Variants in GK5 observed in about 807,000 individuals in gnomAD.
GK5 encodes the protein glycerol kinase 5, also known as ATP:glycerol 3-phosphotransferase 5.
Under a neutral mutation model 77.3 loss-of-function variants are expected in GK5, and 39 were observed. The ratio of observed to expected loss-of-function variants is 0.50; its 90% CI spans 0.39 to 0.66. The LOEUF is 0.66. Ranked by LOEUF, GK5 falls within the 30% of genes least tolerant of loss-of-function variation. GK5 has a pLI of 0.00. For synonymous variants in GK5, 211 were observed against 208.0 expected, an observed-to-expected ratio of 1.01 and a Z score of -0.13; for missense variants, 487 against 633.8, an observed-to-expected ratio of 0.77 and a Z score of 2.49.
chr3:142,225,565 C>A lies in GK5; in HGVS notation c.-110G>T, dbSNP rs1007158174. ...CAACCCGGGCCCCAACCCGGCTCAG[C>A]CGGAGAGCCTAGAGAGGCCTGGCCC... On this transcript the variant is annotated 5_prime_UTR_variant, in exon 1 of 16. Transcript: ENST00000392993. The A allele has an allele frequency of 1.1e-5, 15 of 1,393,290 alleles. No homozygotes were observed. Among genetic ancestry groups the A allele is most frequent in the Non-Finnish European group, 1.1e-5 (11 of 1,044,404 alleles). 86.3% of individuals were successfully genotyped at this position (1,393,290 alleles called of 1,614,324 possible).
chr3:142,208,851 T>C (rs1227332590), intron 3 of GK5, among the ~76,000 whole-genome samples: 1 of 152,114 alleles, frequency 6.6e-6, no homozygotes, highest in Non-Finnish European at 1.5e-5. Context: ...GAATACGCCC[T>C]ATAAAGGATA....
intron 10 of GK5, 124 bp downstream of exon 10, chr3:142,182,799 T>C: frequency 3.2e-6 from 2 of 634,554 alleles, no homozygotes; most frequent in African/African-American, 1.9e-5. Context: ...ATTAACTGTC[T>C]TTAAGAATAA....
intron 1 of GK5, among the ~76,000 whole-genome samples, chr3:142,224,449 A>G (rs1167476223): frequency 6.6e-6 from 1 of 152,224 alleles, no homozygotes; most frequent in Non-Finnish European, 1.5e-5. Context: ...CACCATAACA[A>G]ATAAATATTA....
At chr3:142,212,996 G>A (rs917813772) in intron 3 of GK5, among the ~76,000 whole-genome samples, 2 of 151,390 alleles carry the variant, frequency 1.3e-5, no homozygotes, top group Admixed American at 6.6e-5. Context: ...CACCTCGCCC[G>A]GCTAATTTTT....
At chr3:142,211,734 C>T (rs940788002) in intron 3 of GK5, among the ~76,000 whole-genome samples, 92 of 152,294 alleles carry the variant, frequency 6.0e-4, no homozygotes, top group African/African-American at 2.0e-3. Flanking sequence ...TTCGAGGCTG[C>T]AGTGAGCTAT....
At position 142,225,529 on chromosome 3, in the gene GK5, C is replaced by T. The variant is rs551672117; in HGVS notation, c.-74G>A. Reference sequence around the variant, plus strand: ...CTACAAATCCCAATGCTCCAGAGTCCCCGGGCGGCCCAACCCGGGCCCCAA... The same window carrying T: ...CTACAAATCCCAATGCTCCAGAGTCTCCGGGCGGCCCAACCCGGGCCCCAA... On this transcript the variant is annotated 5_prime_UTR_variant, in exon 1 of 16. Coordinates refer to ENST00000392993, the MANE Select transcript of GK5 (RefSeq NM_001039547.3). The T allele has an allele frequency of 3.0e-5, 45 of 1,523,644 alleles. No homozygotes were observed. The East Asian group carries it at 7.6e-4, about 26-fold the overall frequency. The allele number at this position is 1,523,644 out of a possible 1,614,324, so 94.4% of individuals were successfully genotyped here. A position where few individuals can be genotyped will look rare whatever the true frequency, so the allele number is the denominator to read the frequency against.
intron 1 of GK5, among the ~76,000 whole-genome samples, chr3:142,221,457 G>A (rs913288309): frequency 6.6e-6 from 1 of 152,130 alleles, no homozygotes; most frequent in African/African-American, 2.4e-5. Flanking sequence ...ACAAGTTGCA[G>A]TAGTGAAATC....
chr3:142,187,566 T>C lies in GK5; in HGVS notation c.619+138A>G, dbSNP rs1429479697. On this transcript the variant is annotated intron_variant, in intron 6 of 15. Coordinates refer to ENST00000392993, the MANE Select transcript of GK5 (RefSeq NM_001039547.3). The stretch of plus-strand genomic sequence containing the variant: ...GCTGCAGTGAGCCATGATTACACCA[T>C]TGCACTCCCGCCTGGTTGACAGAGC... 7 of 647,492 alleles carry C rather than the reference T, an allele frequency of 1.1e-5. No individual in the cohort carries two copies. In the East Asian group the frequency reaches 1.1e-4, roughly 10 times the overall value. The allele number at this position is 647,492 out of a possible 1,614,324, so 40.1% of individuals were successfully genotyped here.
chr3:142,211,977 A>G (rs762166493), intron 3 of GK5, among the ~76,000 whole-genome samples: 1 of 152,136 alleles, frequency 6.6e-6, no homozygotes, highest in Non-Finnish European at 1.5e-5. Flanking sequence ...TACATTCTCT[A>G]TGATTTCTAT....
At chr3:142,200,322 C>A (rs2064001406) in intron 4 of GK5, among the ~76,000 whole-genome samples, 1 of 152,008 alleles carries the variant, frequency 6.6e-6, no homozygotes, top group Admixed American at 6.6e-5. Flanking sequence ...TGTGGATCAC[C>A]ACGCCTGGGT....
At chr3:142,168,721 T>TCCCCCCCCCCCCCCC (rs2063501508) in intron 15 of GK5, among the ~76,000 whole-genome samples, 1 of 132,754 alleles carries the variant, frequency 7.5e-6, no homozygotes, top group African/African-American at 2.9e-5. Flanking sequence ...CTTTCTATGG[T>TCCCCCCCCCCCCCCC]CCCCACCCCC....
rs1215837168 is a variant in GK5, at chr3:142,164,097, T to C, written c.*1525A>G. On this transcript the variant is annotated 3_prime_UTR_variant, in exon 16 of 16. Transcript: ENST00000392993. The stretch of plus-strand genomic sequence containing the variant: ...TAATAATACTATATATTTGTTACAA[T>C]GCCTTCATCAGAAAATTTAATAATT... The C allele has an allele frequency of 1.3e-5, 2 of 152,156 alleles. No individual in the cohort carries two copies. The highest frequency in any genetic ancestry group is 2.9e-5 in the Non-Finnish European group (2 of 68,026). The allele number at this position is 152,156 out of a possible 1,614,324, so 9.4% of individuals were successfully genotyped here.
chr3:142,212,206 G>A (rs1265152753), intron 3 of GK5, among the ~76,000 whole-genome samples: 1 of 152,048 alleles, frequency 6.6e-6, no homozygotes, highest in Middle Eastern at 3.2e-3. Context: ...AGTGGTGTGT[G>A]TGGGTACGTG....
chr3:142,190,839 T>C (rs936532610), intron 5 of GK5, among the ~76,000 whole-genome samples: 1 of 151,600 alleles, frequency 6.6e-6, no homozygotes, highest in Non-Finnish European at 1.5e-5. Flanking sequence ...TCCTTGCCAA[T>C]GAAAAAGAAA....
chr3:142,168,537 A>G (rs2063498955), intron 15 of GK5, among the ~76,000 whole-genome samples: 1 of 152,176 alleles, frequency 6.6e-6, no homozygotes. Flanking sequence ...AATGTAAAAT[A>G]TCTTATTTTG....
At chr3:142,185,550 T>C in intron 9 of GK5, 3 of 1,035,306 alleles carry the variant, frequency 2.9e-6, no homozygotes, top group Non-Finnish European at 3.5e-6. Context: ...ACACTGTTTG[T>C]GGTTACACAT....
rs1308569168 is a variant in GK5, at chr3:142,160,729, AT to A, written c.*4892del. ...ATAAACATATTAAGAATTTTATTTTATTTTATTAAGACAGGGCCTTGCCCTG... is the reference window on the plus strand; with the variant it reads ...ATAAACATATTAAGAATTTTATTTTATTTATTAAGACAGGGCCTTGCCCTG... On this transcript the variant is annotated 3_prime_UTR_variant, in exon 16 of 16. Transcript: ENST00000392993. 1.3e-5 allele frequency: 2 copies of A among 152,136 alleles called. No individual in the cohort carries two copies. Among genetic ancestry groups the A allele is most frequent in the Non-Finnish European group, 2.9e-5 (2 of 68,012 alleles). 9.4% of individuals were successfully genotyped at this position (152,136 alleles called of 1,614,324 possible).
chr3:142,180,921 T>C (rs767164463), intron 11 of GK5, among the ~76,000 whole-genome samples: 4 of 152,200 alleles, frequency 2.6e-5, no homozygotes, highest in African/African-American at 4.8e-5. Flanking sequence ...CTTAAGGCTT[T>C]GAGAACTAAT....
intron 2 of GK5, among the ~76,000 whole-genome samples, chr3:142,214,092 G>A (rs2064237194): frequency 6.6e-6 from 1 of 152,308 alleles, no homozygotes; most frequent in South Asian, 2.1e-4. Flanking sequence ...CCAAAGTGCT[G>A]GGATTACAGG....
Sources: allele counts gnomAD v4.1 joint callset (sites outside exome capture counted in the v4.1 genomes callset), GRCh38; gene constraint gnomAD v4.1.1; transcripts MANE v1.5; gene names NCBI Gene and HGNC (gene_info 2026-07-23, HGNC 2026-07-21).